The following GATM variants were observed in gnomAD, a reference collection of about 807,000 sequenced individuals.
The protein encoded by GATM is glycine amidinotransferase.
In GATM, 23 loss-of-function variants were observed where a neutral mutation model predicts 54.2. The observed-to-expected ratio is 0.42, with a 90% CI of 0.31 to 0.60. The LOEUF (loss-of-function observed/expected upper bound fraction) is 0.60, where lower values mean the gene tolerates loss of function less well. Ranked by LOEUF, GATM falls within the 20% of genes least tolerant of loss-of-function variation. The pLI, the probability that GATM is intolerant of heterozygous loss-of-function variation, is 0.14. For missense variants in GATM, 401 were observed against 544.9 expected (o/e 0.74, Z 2.63); for synonymous variants, 168 against 183.1 (o/e 0.92, Z 0.67).
chr15:45,361,273 A>G lies in GATM; in HGVS notation c.*836T>C, dbSNP rs1301406827. The stretch of plus-strand genomic sequence containing the variant: ...CTCTAAATAATTTGCACATTTGTAA[A>G]CAAATCTTAGATGACCAAAGATGCA... On this transcript the variant is annotated 3_prime_UTR_variant, in exon 9 of 9. Transcript: ENST00000396659. 2 of 152,214 alleles carry G rather than the reference A, an allele frequency of 1.3e-5. No individual in the cohort carries two copies. Among genetic ancestry groups the G allele is most frequent in the East Asian group, 3.8e-4 (2 of 5,204 alleles). The allele number at this position is 152,214 out of a possible 1,614,324, so 9.4% of individuals were successfully genotyped here.
rs1889371293 is a variant in GATM at position 45,361,904 on chromosome 15, T to G, written c.*205A>C. 1.7e-6 allele frequency: 1 copy of G among 582,012 alleles called. No individual in the cohort carries two copies. Among genetic ancestry groups the G allele is most frequent in the East Asian group, 2.8e-5 (1 of 36,012 alleles). 36.1% of individuals were successfully genotyped at this position (582,012 alleles called of 1,614,324 possible). ...ACTTGAAGCCAAATAGTAAATAACT[T>G]TAGGAGTAGAGAGTAATACCTAGCA... is the stretch of plus-strand genomic sequence containing the variant. On this transcript the variant is annotated 3_prime_UTR_variant, in exon 9 of 9. Coordinates refer to ENST00000396659, the MANE Select transcript of GATM (RefSeq NM_001482.3).
intron 2 of GATM, among the ~76,000 whole-genome samples, chr15:45,371,020 G>A (rs535244993): frequency 1.4e-4 from 22 of 152,292 alleles, no homozygotes; most frequent in Non-Finnish European, 2.1e-4. Context: ...TGATCCACCC[G>A]CGTCGGCCCC....
chr15:45,376,567 C>G, intron 2 of GATM, 34 bp downstream of exon 2: 1 of 1,573,252 alleles, frequency 6.4e-7, no homozygotes, highest in African/African-American at 1.3e-5. Context: ...GAGGAGGGAG[C>G]GCACTTTCAG....
intron 2 of GATM, among the ~76,000 whole-genome samples, chr15:45,375,360 C>T (rs777151130): frequency 8.5e-5 from 13 of 152,170 alleles, no homozygotes; most frequent in African/African-American, 1.9e-4. Flanking sequence ...TGAGCCACCG[C>T]GCCTGGCCAC....
At chr15:45,369,646 A>C in intron 2 of GATM, 125 bp from the exon 3 acceptor site, 3 of 809,782 alleles carry the variant, frequency 3.7e-6, no homozygotes, top group Non-Finnish European at 2.1e-6. Flanking sequence ...CTCCATGTTC[A>C]GTGCTGATCC....
chr15:45,366,656 G>A (rs1289010665), intron 4 of GATM, 148 bp from the exon 5 acceptor site: 27 of 868,552 alleles, frequency 3.1e-5, no homozygotes, highest in Non-Finnish European at 4.0e-5. Context: ...GGAAAGAAGC[G>A]GGTCCATGAT....
chr15:45,362,046 T>C lies in GATM; in HGVS notation c.*63A>G. The C allele has an allele frequency of 2.1e-6, 2 of 954,936 alleles. No homozygotes were observed. Among genetic ancestry groups the C allele is most frequent in the Non-Finnish European group, 3.4e-6 (2 of 581,786 alleles). The allele number at this position is 954,936 out of a possible 1,614,324, so 59.2% of individuals were successfully genotyped here. ...TCATGCACTTTTTAAAGCAGGAGAA[T>C]GAACCTTGCCCCTAAGCTTCTTAGG... On this transcript the variant is annotated 3_prime_UTR_variant, in exon 9 of 9. Coordinates refer to ENST00000396659, the MANE Select transcript of GATM (RefSeq NM_001482.3).
At chr15:45,388,308 A>C (rs1474274630) in intron 3 of GATM, among the ~76,000 whole-genome samples, 1 of 152,240 alleles carries the variant, frequency 6.6e-6, no homozygotes, top group Non-Finnish European at 1.5e-5. Context: ...AGTTACAAAG[A>C]TAGTACAGAG....
chr15:45,361,888 C>T lies in GATM; in HGVS notation c.*221G>A. 1 of 554,486 alleles carries T rather than the reference C, an allele frequency of 1.8e-6. No individual in the cohort carries two copies. The highest frequency in any genetic ancestry group is 3.2e-6 in the Non-Finnish European group (1 of 313,386). 34.3% of individuals were successfully genotyped at this position (554,486 alleles called of 1,614,324 possible). ...TTCACCAAAATTTTATACTTGAAGC[C>T]AAATAGTAAATAACTTTAGGAGTAG... is the stretch of plus-strand genomic sequence containing the variant. On this transcript the variant is annotated 3_prime_UTR_variant, in exon 9 of 9. Coordinates refer to ENST00000396659, the MANE Select transcript of GATM (RefSeq NM_001482.3).
chr15:45,383,590 T>C (rs771229489), intron 3 of GATM, among the ~76,000 whole-genome samples: 14 of 141,320 alleles, frequency 9.9e-5, no homozygotes, highest in Non-Finnish European at 2.0e-4. Flanking sequence ...ATTTGCCAAA[T>C]TGCTGCTTTT....
At chr15:45,399,081 C>A (rs760470540) in intron 2 of GATM, among the ~76,000 whole-genome samples, 2 of 152,088 alleles carry the variant, frequency 1.3e-5, no homozygotes, top group Admixed American at 6.5e-5. Context: ...TGTACCTTTT[C>A]GGGAAAATCT....
rs1889443132 is a variant in GATM at position 45,366,049 on chromosome 15, G to C, written c.975C>G (p.His325Gln). 1 of 1,613,900 alleles carries C rather than the reference G, an allele frequency of 6.2e-7. No homozygotes were observed. Among genetic ancestry groups the C allele is most frequent in the African/African-American group, 1.3e-5 (1 of 74,890 alleles). Residue 325 changes from histidine to glutamine, a missense_variant, in exon 6 of 9, where the codon CAC becomes CAG. This residue lies in a region of GATM where 321 missense variants were observed against 457.5 expected (regional missense o/e 0.70). Transcript: ENST00000396659. ...IVLSNPDRPC[H>Q]QIDLFKKAGW... ...AGAGTCCCAAGAAATCTCTTACCTG[G>C]TGACATGGTCGGTCAGGGTTGGAAA...
intron 1 of GATM, chr15:45,378,101 G>T (rs1296836970): frequency 3.3e-5 from 13 of 389,594 alleles, no homozygotes; most frequent in Non-Finnish European, 4.6e-5. Context: ...CCCCTGCGCC[G>T]TGGGCCAGCA....
In GATM at chr15:45,368,660, T is replaced by A. The variant is rs914542750; in HGVS notation, c.485-400A>T. On this transcript the variant is annotated intron_variant, in intron 3 of 8. Transcript: ENST00000396659. This position sits in a 1 kb window ranked among gnomAD's most constrained non-coding sequence, Gnocchi z 5.1. ...ATATAATATTACCTCTTTTTTTGGT[T>A]AAAAAAATTGCTAGAAATACATGTG... Among the ~76,000 whole-genome samples, 2 of 150,876 alleles carry A rather than the reference T, an allele frequency of 1.3e-5. No individual in the cohort carries two copies. Among genetic ancestry groups the A allele is most frequent in the African/African-American group, 4.9e-5 (2 of 40,930 alleles).
In GATM at chr15:45,363,966, G is replaced by C; in HGVS notation, c.1093C>G (p.Leu365Val). ...TCCACCATAACACGTTTTTCATCTA[G>C]CATTAAGACATTCATGGAAAGCCAT... ...SKWLSMNVLM[L>V]DEKRVMVDAN... The change falls in exon 8 of 9, where the codon CTA (leucine) becomes GTA (valine). Residue 365 changes from leucine (L) to valine (V), a missense_variant. Leu to Val is a conservative substitution (Grantham distance 32, BLOSUM62 1). Coordinates refer to ENST00000396659, the MANE Select transcript of GATM (RefSeq NM_001482.3). 1.2e-6 allele frequency: 2 copies of C among 1,613,452 alleles called. No homozygotes were observed. Among genetic ancestry groups the C allele is most frequent in the Non-Finnish European group, 1.7e-6 (2 of 1,179,738 alleles).
At chr15:45,367,978 A>G in intron 4 of GATM, 92 bp downstream of exon 4, 1 of 1,090,232 alleles carries the variant, frequency 9.2e-7, no homozygotes, top group Non-Finnish European at 1.4e-6. Flanking sequence ...TAAAATGCAT[A>G]ATATATACAA....
chr15:45,365,239 TCTA>T (rs1889429232), intron 6 of GATM, among the ~76,000 whole-genome samples: 1 of 152,178 alleles, frequency 6.6e-6, no homozygotes, highest in African/African-American at 2.4e-5. Flanking sequence ...CCACAGTCCT[TCTA>T]CTTCTTGCCC....
At chr15:45,378,549 G>A (rs1466607914), upstream of GATM, 7 of 955,242 alleles carry the variant, frequency 7.3e-6, no homozygotes, top group East Asian at 1.4e-4. Context: ...CGGGGTGGGC[G>A]GGCGCGCGGG....
chr15:45,375,791 G>A (rs1329460071), intron 2 of GATM, among the ~76,000 whole-genome samples: 1 of 151,996 alleles, frequency 6.6e-6, no homozygotes, highest in African/African-American at 2.4e-5. Context: ...GGGGTAGTGG[G>A]GGTCGCCTAG....
Sources: allele counts gnomAD v4.1 joint callset (sites outside exome capture counted in the v4.1 genomes callset), GRCh38; gene constraint gnomAD v4.1.1; regional missense constraint gnomAD v4.1.1; non-coding constraint Gnocchi (gnomAD v3.1); transcripts MANE v1.5; gene names NCBI Gene and HGNC (gene_info 2026-07-23, HGNC 2026-07-21).